The following C6orf118 variants were observed in gnomAD, a reference collection of about 807,000 sequenced individuals.
The protein encoded by C6orf118 is uncharacterized protein C6orf118.
In C6orf118, 50 loss-of-function variants were observed where a neutral mutation model predicts 50.2. That is an observed-to-expected ratio of 1.00 (90% confidence interval 0.79 to 1.26). The LOEUF (loss-of-function observed/expected upper bound fraction) is 1.26. Ranked by LOEUF, C6orf118 falls within the 50% of genes most tolerant of loss-of-function variation. C6orf118 has a pLI of 0.00. For missense variants in C6orf118, 641 were observed against 578.7 expected (o/e 1.11, Z -1.10); for synonymous variants, 239 against 230.9 (o/e 1.03, Z -0.32).
chr6:165,284,907 C>G (rs1779851372), intron 7 of C6orf118, among the ~76,000 whole-genome samples: 1 of 152,150 alleles, frequency 6.6e-6, no homozygotes, highest in South Asian at 2.1e-4. Flanking sequence ...ACTACATTAG[C>G]AGGTGTGCAA....
intron 6 of C6orf118, 109 bp from the exon 7 acceptor site, chr6:165,290,176 T>A: frequency 1.5e-6 from 1 of 648,572 alleles, no homozygotes; most frequent in Non-Finnish European, 2.5e-6. Context: ...TATATAACTA[T>A]AAAATATAAT....
At position 165,300,910 on chromosome 6, in the gene C6orf118, T is replaced by C. The variant is rs1489996403; in HGVS notation, c.754-424A>G. On this transcript the variant is annotated intron_variant, in intron 2 of 8. Transcript: ENST00000230301. Reference sequence around the variant, plus strand: ...CTCTGAGTCGGCAGCCTACCGTAGATCTTCTGTACACATGTGCTGCCTGGG... The same window carrying C: ...CTCTGAGTCGGCAGCCTACCGTAGACCTTCTGTACACATGTGCTGCCTGGG... Among the ~76,000 whole-genome samples the C allele has an allele frequency of 2.1e-5, 3 of 140,062 alleles. No homozygotes were observed. In the East Asian group the frequency reaches 5.8e-4, roughly 27 times the overall value. The allele number at this position is 140,062 out of a possible 152,430, so 91.9% of individuals were successfully genotyped here.
At chr6:165,307,614 G>A (rs1160662189) in intron 1 of C6orf118, among the ~76,000 whole-genome samples, 1 of 151,972 alleles carries the variant, frequency 6.6e-6, no homozygotes, top group East Asian at 1.9e-4. Context: ...CTGGGAAACT[G>A]AGAATCCCAT....
rs117300174 is a variant in C6orf118, at chr6:165,291,234, T to C, written c.1121-1167A>G. 1.2e-3 allele frequency among the ~76,000 whole-genome samples: 182 copies of C among 152,068 alleles called. 1 individual carries two copies. In the East Asian group the frequency reaches 0.028, roughly 24 times the overall value. On this transcript the variant is annotated intron_variant, in intron 6 of 8. Coordinates refer to ENST00000230301, the MANE Select transcript of C6orf118 (RefSeq NM_144980.4). Reference sequence around the variant, plus strand: ...GAACAACAACAACAACAAAAAACGATTTAGGAAATAGAAAAAGAAAATAGA... The same window carrying C: ...GAACAACAACAACAACAAAAAACGACTTAGGAAATAGAAAAAGAAAATAGA...
At chr6:165,295,953 G>C (rs886851341) in intron 5 of C6orf118, among the ~76,000 whole-genome samples, 1 of 110,770 alleles carries the variant, frequency 9.0e-6, no homozygotes, top group Non-Finnish European at 1.7e-5. Flanking sequence ...TGCCATCATA[G>C]TCAATGCTGC....
intron 1 of C6orf118, among the ~76,000 whole-genome samples, chr6:165,307,943 T>C (rs1330690954): frequency 6.6e-6 from 1 of 152,214 alleles, no homozygotes; most frequent in Non-Finnish European, 1.5e-5. Flanking sequence ...CAGACTCCAC[T>C]GAGATTGCAA....
chr6:165,301,149 C>G (rs1388941241), intron 2 of C6orf118, among the ~76,000 whole-genome samples: 4 of 152,118 alleles, frequency 2.6e-5, no homozygotes, highest in Non-Finnish European at 4.4e-5. Context: ...CCAAACTGTC[C>G]CCATTGAAGG....
intron 1 of C6orf118, among the ~76,000 whole-genome samples, chr6:165,302,653 G>T: frequency 6.6e-6 from 1 of 152,212 alleles, no homozygotes; most frequent in East Asian, 1.9e-4. Context: ...TAATGATGAT[G>T]CTTAAAGATG....
intron 6 of C6orf118, among the ~76,000 whole-genome samples, chr6:165,291,091 A>C (rs9348006): frequency 0.78 from 118,328 of 152,040 alleles, 46,230 homozygotes; most frequent in East Asian, 0.8. Context: ...TCAGTTGTCT[A>C]CCACCAGGTC....
At chr6:165,285,247 T>C (rs1178298245) in intron 7 of C6orf118, among the ~76,000 whole-genome samples, 5 of 152,140 alleles carry the variant, frequency 3.3e-5, no homozygotes, top group Admixed American at 6.5e-5. Context: ...AAGGGTTCAA[T>C]TGAACAAGAA....
Position 165,293,441 on chromosome 6 carries a change from T to C in C6orf118, c.1092A>G (p.Ala364=), listed in dbSNP as rs559105353. The C allele has an allele frequency of 6.2e-7, 1 of 1,613,826 alleles. No individual in the cohort carries two copies. The highest frequency in any genetic ancestry group is 1.3e-5 in the African/African-American group (1 of 75,056). ...RLRSELEMEV[A]LLQSAKERSE... is the part of the protein sequence containing the mutation. ...ATCGTTCCTTTGCAGACTGCAGCAA[T>C]GCCACCTCCATCTCCAGTTCACTTC... is the stretch of plus-strand genomic sequence containing the variant. The change falls in exon 6 of 9, where the codon GCA becomes GCG. Residue 364 remains alanine (A), a synonymous_variant. Transcript: ENST00000230301.
At chr6:165,298,827 T>C in intron 4 of C6orf118, among the ~76,000 whole-genome samples, 1 of 152,240 alleles carries the variant, frequency 6.6e-6, no homozygotes, top group East Asian at 1.9e-4. Flanking sequence ...TGCTGTGATC[T>C]TTTGCTCATG....
At chr6:165,288,396 C>G (rs1420478968) in intron 7 of C6orf118, among the ~76,000 whole-genome samples, 1 of 152,044 alleles carries the variant, frequency 6.6e-6, no homozygotes, top group Non-Finnish European at 1.5e-5. Context: ...ATTTAGAACT[C>G]AAAATACCAT....
chr6:165,290,415 G>A (rs1337424678), intron 6 of C6orf118, among the ~76,000 whole-genome samples: 6 of 152,018 alleles, frequency 3.9e-5, no homozygotes, highest in Non-Finnish European at 7.4e-5. Context: ...AAGGTGCAAC[G>A]GTAAGACAAA....
chr6:165,287,766 C>A (rs1562323890), intron 7 of C6orf118, among the ~76,000 whole-genome samples: 1 of 152,130 alleles, frequency 6.6e-6, no homozygotes, highest in African/African-American at 2.4e-5. Flanking sequence ...TCCCTTACAC[C>A]TTATACAAAA....
intron 7 of C6orf118, among the ~76,000 whole-genome samples, chr6:165,286,564 T>G (rs775126040): frequency 6.6e-6 from 1 of 152,062 alleles, no homozygotes; most frequent in Non-Finnish European, 1.5e-5. Flanking sequence ...GCAGCACATC[T>G]AAAAGCTTAT....
chr6:165,306,901 C>T (rs1214946484), intron 1 of C6orf118, among the ~76,000 whole-genome samples: 1 of 148,944 alleles, frequency 6.7e-6, no homozygotes, highest in African/African-American at 2.5e-5. Flanking sequence ...TAATCATTTT[C>T]CCATCTGAAA....
intron 7 of C6orf118, among the ~76,000 whole-genome samples, chr6:165,286,849 T>A (rs1337071655): frequency 6.6e-6 from 1 of 151,976 alleles, no homozygotes; most frequent in East Asian, 1.9e-4. Context: ...GAAGCATTCC[T>A]CTTTAAAACT....
In C6orf118 at chr6:165,297,592, T is replaced by C. The variant is rs143845872; in HGVS notation, c.1061+385A>G. Among the ~76,000 whole-genome samples the C allele has an allele frequency of 8.3e-4, 126 of 152,208 alleles. 1 individual carries two copies. The East Asian group carries it at 0.015, about 18-fold the overall frequency. On this transcript the variant is annotated intron_variant, in intron 5 of 8. Transcript: ENST00000230301. ...ATACAAAGAGTATGCCCTATCCAAT[T>C]GTTATTCGACCCCGGAAAATGATAC...
Sources: allele counts gnomAD v4.1 joint callset (sites outside exome capture counted in the v4.1 genomes callset), GRCh38; gene constraint gnomAD v4.1.1; transcripts MANE v1.5; gene names NCBI Gene and HGNC (gene_info 2026-07-23, HGNC 2026-07-21).